RBFOX1: variants seen among roughly 807,000 people sequenced by gnomAD.
The protein encoded by RBFOX1 is RNA binding fox-1 homolog 1.
A neutral mutation model predicts 57.7 loss-of-function variants in RBFOX1; 8 were observed. That is an observed-to-expected ratio of 0.14 (90% CI 0.08 to 0.25). The LOEUF (loss-of-function observed/expected upper bound fraction) is 0.25, where lower values mean the gene tolerates loss of function less well. RBFOX1 is among the 10% of genes least tolerant of loss of function. The pLI is 1.00. For missense variants in RBFOX1, 611 were observed against 548.5 expected (o/e 1.11, Z -1.14); for synonymous variants, 326 against 222.4 (o/e 1.47, Z -4.15).
intron 2 of RBFOX1, among the ~76,000 whole-genome samples, chr16:5,570,996 C>CA (rs2046262910): frequency 1.3e-5 from 2 of 152,184 alleles, no homozygotes; most frequent in South Asian, 4.1e-4. Context: ...ATTTTCTTCT[C>CA]AAAATAATAT....
At chr16:5,579,730 T>C (rs2046596790) in intron 2 of RBFOX1, among the ~76,000 whole-genome samples, 1 of 151,822 alleles carries the variant, frequency 6.6e-6, no homozygotes, top group African/African-American at 2.4e-5. Flanking sequence ...TATCACACAG[T>C]CATTGCCCAG....
intron 2 of RBFOX1, among the ~76,000 whole-genome samples, chr16:6,411,308 C>A (rs140465012): frequency 6.6e-6 from 1 of 152,072 alleles, no homozygotes; most frequent in African/African-American, 2.4e-5. Context: ...ACCATAGGTC[C>A]GGAGATGACT....
intron 3 of RBFOX1, among the ~76,000 whole-genome samples, chr16:5,702,659 A>C (rs888908507): frequency 6.6e-6 from 1 of 152,170 alleles, no homozygotes; most frequent in Non-Finnish European, 1.5e-5. Flanking sequence ...AACCTCAATG[A>C]ATGTTAACAG....
At chr16:6,516,205 T>C (rs2096374916) in intron 2 of RBFOX1, among the ~76,000 whole-genome samples, 1 of 152,122 alleles carries the variant, frequency 6.6e-6, no homozygotes, top group African/African-American at 2.4e-5. Flanking sequence ...ATACTTGTAT[T>C]TTTAGTAGTG....
intron 1 of RBFOX1, among the ~76,000 whole-genome samples, chr16:6,126,384 C>G (rs752731475): frequency 6.6e-6 from 1 of 152,140 alleles, no homozygotes. Context: ...GCATTGAATG[C>G]GCACTATGTG....
At chr16:5,805,539 T>C (rs2055197889) in intron 3 of RBFOX1, among the ~76,000 whole-genome samples, 1 of 152,190 alleles carries the variant, frequency 6.6e-6, no homozygotes, top group Non-Finnish European at 1.5e-5. Context: ...AAGACATGTA[T>C]TGATGGGATA....
intron 3 of RBFOX1, among the ~76,000 whole-genome samples, chr16:6,969,642 G>C (rs141281659): frequency 0.035 from 5,264 of 152,210 alleles, 319 homozygotes; most frequent in African/African-American, 0.12. Flanking sequence ...TACTCGGGAG[G>C]CTGAGGTGGG....
intron 4 of RBFOX1, among the ~76,000 whole-genome samples, chr16:7,153,475 G>A (rs2076478970): frequency 6.6e-6 from 1 of 151,994 alleles, no homozygotes; most frequent in Non-Finnish European, 1.5e-5. Flanking sequence ...GGTGGCTCAC[G>A]TCTGTAATCC....
intron 3 of RBFOX1, among the ~76,000 whole-genome samples, chr16:6,708,719 C>T (rs934341012): frequency 2.6e-5 from 4 of 152,194 alleles, no homozygotes; most frequent in Non-Finnish European, 5.9e-5. Flanking sequence ...CTGTTCCCTT[C>T]TTGCCCTAGC....
intron 4 of RBFOX1, among the ~76,000 whole-genome samples, chr16:7,379,701 A>G (rs1013051985): frequency 3.9e-5 from 6 of 151,988 alleles, no homozygotes; most frequent in African/African-American, 7.2e-5. Context: ...TAAGCTGGGT[A>G]GTAACTACAG....
intron 4 of RBFOX1, among the ~76,000 whole-genome samples, chr16:5,989,580 G>C (rs1371982147): frequency 6.6e-6 from 1 of 152,080 alleles, no homozygotes; most frequent in Non-Finnish European, 1.5e-5. Flanking sequence ...CGCCGACCTA[G>C]AATGGGTGCT....
intron 3 of RBFOX1, among the ~76,000 whole-genome samples, chr16:6,850,296 A>C (rs968508106): frequency 6.6e-6 from 1 of 152,196 alleles, no homozygotes; most frequent in African/African-American, 2.4e-5. Flanking sequence ...ACTTACAAAT[A>C]TTGACAGGTA....
chr16:6,001,065 A>G (rs1475392730), intron 4 of RBFOX1, among the ~76,000 whole-genome samples: 1 of 152,130 alleles, frequency 6.6e-6, no homozygotes, highest in East Asian at 1.9e-4. Flanking sequence ...GGGTTGATGG[A>G]CAGATGGGTA....
chr16:6,722,314 T>C (rs1226522060), intron 3 of RBFOX1, among the ~76,000 whole-genome samples: 1 of 128,916 alleles, frequency 7.8e-6, no homozygotes, highest in African/African-American at 2.7e-5. Flanking sequence ...ACTTTTGTTA[T>C]TTTCTGTTTT....
intron 2 of RBFOX1, among the ~76,000 whole-genome samples, chr16:5,564,500 A>G (rs960341011): frequency 4.6e-5 from 7 of 152,140 alleles, no homozygotes; most frequent in Admixed American, 2.6e-4. Flanking sequence ...CTCCTGACAT[A>G]GAACAAGTTT....
rs569032222 is a variant in RBFOX1, at chr16:5,434,450, T to G, written c.220-32766T>G. 4.0e-5 allele frequency among the ~76,000 whole-genome samples: 6 copies of G among 150,362 alleles called. No individual in the cohort carries two copies. In the East Asian group the frequency reaches 1.2e-3, roughly 30 times the overall value. ...GATTTTCCTGCCTTAGCCTCCTGAG[T>G]AGCTGGAATTACAGGCATGCACCAC... On this transcript the variant is annotated intron_variant, in intron 1 of 2. Coordinates refer to the RBFOX1 transcript ENST00000585867.
At chr16:7,003,057 C>T (rs2092972056) in intron 3 of RBFOX1, among the ~76,000 whole-genome samples, 1 of 150,366 alleles carries the variant, frequency 6.7e-6, no homozygotes, top group South Asian at 2.1e-4. Flanking sequence ...GTTTGGTTTC[C>T]CAAAGAGAGG....
chr16:6,798,442 A>C (rs1052418181), intron 3 of RBFOX1, among the ~76,000 whole-genome samples: 2 of 152,176 alleles, frequency 1.3e-5, no homozygotes, highest in African/African-American at 2.4e-5. Context: ...AGAGACAGAG[A>C]GCTGCTATGT....
At chr16:6,765,666 A>T (rs1417112722) in intron 3 of RBFOX1, among the ~76,000 whole-genome samples, 1 of 152,204 alleles carries the variant, frequency 6.6e-6, no homozygotes, top group African/African-American at 2.4e-5. Context: ...CTCTACCCAG[A>T]GGAAAGATGC....
Sources: allele counts gnomAD v4.1 joint callset (sites outside exome capture counted in the v4.1 genomes callset), GRCh38; gene constraint gnomAD v4.1.1; transcripts MANE v1.5; gene names NCBI Gene and HGNC (gene_info 2026-07-23, HGNC 2026-07-21).